The following FHIP1A variants were observed in gnomAD, a reference collection of about 807,000 sequenced individuals.
FHIP1A encodes the protein FHF complex subunit HOOK interacting protein 1A, also known as FHF complex subunit HOOK-interacting protein 1A.
Under a neutral mutation model 88.6 loss-of-function variants are expected in FHIP1A, and 61 were observed. The observed-to-expected ratio is 0.69, with a 90% CI of 0.56 to 0.85. The LOEUF is 0.85. FHIP1A is among the 40% of genes least tolerant of loss of function. The probability of loss-of-function intolerance (pLI) is 0.00; values close to 1 mark genes in which losing one functional copy is unlikely to be tolerated. For missense variants in FHIP1A, 1,154 were observed against 1,273.5 expected (o/e 0.91, Z 1.43); for synonymous variants, 478 against 496.0 (o/e 0.96, Z 0.48).
intron 7 of FHIP1A, among the ~76,000 whole-genome samples, chr4:151,609,874 A>G (rs1313073302): frequency 6.6e-6 from 1 of 152,184 alleles, no homozygotes; most frequent in African/African-American, 2.4e-5. Context: ...GCTGTATCTA[A>G]TGCTGTGCCA....
At chr4:151,647,520 A>T (rs755186939) in intron 10 of FHIP1A, among the ~76,000 whole-genome samples, 36 of 152,168 alleles carry the variant, frequency 2.4e-4, no homozygotes, top group Non-Finnish European at 4.4e-4. Flanking sequence ...ACCCAGCTAT[A>T]ATTTTCTTAG....
intron 3 of FHIP1A, among the ~76,000 whole-genome samples, chr4:151,562,792 T>C (rs1012042517): frequency 2.0e-5 from 3 of 152,204 alleles, no homozygotes; most frequent in Non-Finnish European, 4.4e-5. Flanking sequence ...TTTCTAATTA[T>C]TGTAGCTGTC....
At chr4:151,565,110 T>C (rs1402944016) in intron 3 of FHIP1A, among the ~76,000 whole-genome samples, 1 of 142,780 alleles carries the variant, frequency 7.0e-6, no homozygotes, top group African/African-American at 2.4e-5. Context: ...CTACAAACTT[T>C]TATTATGGCT....
At chr4:151,591,892 G>A (rs1247680436) in intron 7 of FHIP1A, among the ~76,000 whole-genome samples, 1 of 152,166 alleles carries the variant, frequency 6.6e-6, no homozygotes, top group Non-Finnish European at 1.5e-5. Flanking sequence ...TTGGTTCCAA[G>A]TCTTTGCTAT....
intron 3 of FHIP1A, among the ~76,000 whole-genome samples, chr4:151,488,578 T>C (rs1467978811): frequency 6.6e-6 from 1 of 152,232 alleles, no homozygotes; most frequent in Non-Finnish European, 1.5e-5. Flanking sequence ...TCTTTACTAT[T>C]GTGAATAGTG....
At chr4:151,494,049 T>C (rs1730377477) in intron 3 of FHIP1A, among the ~76,000 whole-genome samples, 1 of 152,220 alleles carries the variant, frequency 6.6e-6, no homozygotes, top group African/African-American at 2.4e-5. Flanking sequence ...TGTTTACTGA[T>C]GACAGAATCA....
chr4:151,616,151 G>A (rs1724982792), intron 7 of FHIP1A, among the ~76,000 whole-genome samples: 1 of 152,194 alleles, frequency 6.6e-6, no homozygotes. Context: ...AACTGAATTT[G>A]TACGGCTGAG....
intron 7 of FHIP1A, among the ~76,000 whole-genome samples, chr4:151,602,469 A>T (rs1387379689): frequency 1.3e-5 from 2 of 152,114 alleles, no homozygotes; most frequent in Non-Finnish European, 2.9e-5. Flanking sequence ...ATGTTAATTT[A>T]AGCAAGAAAA....
intron 1 of FHIP1A, among the ~76,000 whole-genome samples, chr4:151,448,880 A>C (rs780992520): frequency 1.7e-4 from 26 of 152,164 alleles, no homozygotes; most frequent in South Asian, 4.1e-4. Context: ...AGGAACTGCC[A>C]TACTGTTTTC....
rs144511950 is a variant in FHIP1A, at chr4:151,602,060, G to A, written c.978+13134G>A. On this transcript the variant is annotated intron_variant, in intron 7 of 13. Coordinates refer to ENST00000435205, the MANE Select transcript of FHIP1A (RefSeq NM_001109977.3). ...CACCAGAACAGCATGGGAAAGACCC[G>A]CCCCCATGATTCATTTACCTCCCAC... Among the ~76,000 whole-genome samples, 12 of 152,020 alleles carry A rather than the reference G, an allele frequency of 7.9e-5. No homozygotes were observed. The South Asian group carries it at 1.5e-3, about 19-fold the overall frequency.
At chr4:151,575,429 G>A (rs978442425) in intron 4 of FHIP1A, among the ~76,000 whole-genome samples, 1 of 152,142 alleles carries the variant, frequency 6.6e-6, no homozygotes, top group African/African-American at 2.4e-5. Context: ...TGTTGCTGCT[G>A]CTAGGAAGGT....
At chr4:151,601,342 G>A (rs1281447011) in intron 7 of FHIP1A, among the ~76,000 whole-genome samples, 1 of 151,890 alleles carries the variant, frequency 6.6e-6, no homozygotes, top group South Asian at 2.1e-4. Flanking sequence ...TAGAGGGGCC[G>A]TTGGAAGCCA....
chr4:151,628,948 C>T (rs548644228), intron 7 of FHIP1A, among the ~76,000 whole-genome samples: 10 of 152,096 alleles, frequency 6.6e-5, no homozygotes, highest in South Asian at 6.2e-4. Flanking sequence ...ATCAAATCCT[C>T]GGCTTCTTGA....
chr4:151,626,899 G>A (rs1735972802), intron 7 of FHIP1A, among the ~76,000 whole-genome samples: 1 of 152,164 alleles, frequency 6.6e-6, no homozygotes, highest in South Asian at 2.1e-4. Flanking sequence ...TTTCCCTGGT[G>A]GTTTATTGTT....
intron 7 of FHIP1A, among the ~76,000 whole-genome samples, chr4:151,628,138 T>G (rs573262932): frequency 1.3e-5 from 2 of 152,150 alleles, no homozygotes; most frequent in African/African-American, 4.8e-5. Flanking sequence ...TCAGATGACA[T>G]AGTGGTGTAT....
intron 3 of FHIP1A, among the ~76,000 whole-genome samples, chr4:151,518,429 G>T (rs1424986958): frequency 6.6e-5 from 10 of 152,046 alleles, no homozygotes; most frequent in Admixed American, 6.6e-4. Flanking sequence ...GTAGCCCATT[G>T]TTAAACAACA....
At chr4:151,460,179 A>C (rs958741135) in intron 2 of FHIP1A, among the ~76,000 whole-genome samples, 2 of 152,154 alleles carry the variant, frequency 1.3e-5, no homozygotes, top group Non-Finnish European at 2.9e-5. Context: ...GTAAATTTTT[A>C]ATATGTTCTA....
intron 10 of FHIP1A, 115 bp downstream of exon 10, chr4:151,646,863 T>C (rs1188045580): frequency 4.4e-6 from 3 of 676,616 alleles, no homozygotes; most frequent in Admixed American, 2.7e-5. Context: ...ATTTCTCTTA[T>C]GAATGACTAG....
intron 7 of FHIP1A, among the ~76,000 whole-genome samples, chr4:151,602,694 C>A (rs1489342901): frequency 1.3e-5 from 2 of 152,032 alleles, no homozygotes; most frequent in African/African-American, 2.4e-5. Context: ...ACATTGATAT[C>A]CATAGTAAGC....
Sources: gnomAD v4.1 joint callset for allele counts (sites outside exome capture counted in the v4.1 genomes callset) on GRCh38, gnomAD v4.1.1 for gene constraint, MANE v1.5 for transcripts, NCBI Gene and HGNC (gene_info 2026-07-23, HGNC 2026-07-21) for gene names.